Variants in GSG1L observed in about 807,000 individuals in gnomAD.
GSG1L encodes the protein germ cell-specific gene 1-like protein.
A neutral mutation model predicts 42.1 loss-of-function variants in GSG1L; 24 were observed. The observed-to-expected ratio is 0.57, with a 90% CI of 0.41 to 0.80. The LOEUF is 0.80. Ranked by LOEUF, GSG1L falls within the 30% of genes least tolerant of loss-of-function variation. GSG1L has a pLI of 0.00. For missense variants in GSG1L, 445 were observed against 472.2 expected (o/e 0.94, Z 0.53); for synonymous variants, 215 against 203.5 (o/e 1.06, Z -0.48).
At chr16:27,817,828 G>A (rs977783003) in intron 5 of GSG1L, among the ~76,000 whole-genome samples, 6 of 152,240 alleles carry the variant, frequency 3.9e-5, no homozygotes, top group East Asian at 1.9e-4. Flanking sequence ...GTTTGCAAAC[G>A]GGCAATGGTC....
At position 28,052,720 on chromosome 16, in the gene GSG1L, T is replaced by C. The variant is rs190858004; in HGVS notation, c.349+10356A>G. ...CTAGGGTTGTCTGCAACCTCCCACA[T>C]CTGCAGATTGCTGCAGATAGCTGCA... On this transcript the variant is annotated intron_variant, in intron 1 of 6. Transcript: ENST00000447459. Among the ~76,000 whole-genome samples, 39 of 152,300 alleles carry C rather than the reference T, an allele frequency of 2.6e-4. No homozygotes were observed. In the East Asian group the frequency reaches 3.9e-3, roughly 15 times the overall value.
intron 1 of GSG1L, among the ~76,000 whole-genome samples, chr16:28,011,157 G>A (rs2085712903): frequency 6.6e-6 from 1 of 152,214 alleles, no homozygotes; most frequent in South Asian, 2.1e-4. Flanking sequence ...AGTTTTAGAG[G>A]CAGAGGCAGT....
At chr16:27,858,106 A>G (rs947329525) in intron 3 of GSG1L, among the ~76,000 whole-genome samples, 1 of 152,200 alleles carries the variant, frequency 6.6e-6, no homozygotes, top group African/African-American at 2.4e-5. Context: ...TTAAGTTTTA[A>G]GTGCTCTGAG....
intron 4 of GSG1L, 53 bp downstream of exon 4, chr16:27,844,897 C>A (rs77280650): frequency 3.3e-6 from 3 of 916,238 alleles, no homozygotes; most frequent in Admixed American, 2.0e-5. Flanking sequence ...GAAGTCCCAG[C>A]GTGCCTTGGG....
At chr16:27,983,306 G>C (rs1372640534) in intron 1 of GSG1L, among the ~76,000 whole-genome samples, 1 of 152,110 alleles carries the variant, frequency 6.6e-6, no homozygotes, top group Non-Finnish European at 1.5e-5. Flanking sequence ...CTGCACTCCA[G>C]CCTGGGTGAC....
chr16:27,917,799 A>C (rs1555508112), intron 2 of GSG1L, among the ~76,000 whole-genome samples: 1 of 152,246 alleles, frequency 6.6e-6, no homozygotes, highest in Non-Finnish European at 1.5e-5. Flanking sequence ...TCAGCTAAAA[A>C]GCAGATCTGG....
At chr16:27,815,891 C>A (rs1347541775) in intron 5 of GSG1L, among the ~76,000 whole-genome samples, 1 of 152,148 alleles carries the variant, frequency 6.6e-6, no homozygotes, top group East Asian at 1.9e-4. Flanking sequence ...GGGAGGATCA[C>A]CCAAGGCTGC....
intron 1 of GSG1L, among the ~76,000 whole-genome samples, chr16:28,013,116 T>C (rs748354589): frequency 6.6e-6 from 1 of 150,478 alleles, no homozygotes. Flanking sequence ...CCCAGTTACT[T>C]GGGAGGCCGA....
At chr16:28,034,286 A>ACCCAT (rs1190342219) in intron 1 of GSG1L, among the ~76,000 whole-genome samples, 102 of 112,486 alleles carry the variant, frequency 9.1e-4, no homozygotes, top group African/African-American at 3.5e-3. Context: ...TTCCATCCCA[A>ACCCAT]CCCATCCCAT....
At chr16:28,062,126 G>T (rs905936776) in intron 1 of GSG1L, among the ~76,000 whole-genome samples, 8 of 152,148 alleles carry the variant, frequency 5.3e-5, no homozygotes, top group Non-Finnish European at 8.8e-5. Flanking sequence ...GGGTGTCCAT[G>T]CCTGGACACC....
At position 28,063,464 on chromosome 16, in the gene GSG1L, G is replaced by C; in HGVS notation, c.-40C>G. 8.8e-7 allele frequency: 1 copy of C among 1,136,556 alleles called. No individual in the cohort carries two copies. Among genetic ancestry groups the C allele is most frequent in the Non-Finnish European group, 1.1e-6 (1 of 925,052 alleles). 70.4% of individuals were successfully genotyped at this position (1,136,556 alleles called of 1,614,324 possible). A position where few individuals can be genotyped will look rare whatever the true frequency, so the allele number is the denominator to read the frequency against. ...CGGGACGGGACTGCACCGCCGGGGA[G>C]CTCCGCGCGCGAAGTTGGCAGCTGG... On this transcript the variant is annotated 5_prime_UTR_variant, in exon 1 of 7. Transcript: ENST00000447459. This position sits in a 1 kb window ranked among gnomAD's most constrained non-coding sequence, Gnocchi z 5.8.
At chr16:27,957,646 AACACTCAAG>A (rs1266352212) in intron 2 of GSG1L, among the ~76,000 whole-genome samples, 2 of 152,220 alleles carry the variant, frequency 1.3e-5, no homozygotes, top group African/African-American at 4.8e-5. Flanking sequence ...TACAATACAG[AACACTCAAG>A]TGCAGTTCAG....
intron 2 of GSG1L, among the ~76,000 whole-genome samples, chr16:27,905,191 C>T (rs1322651241): frequency 2.0e-5 from 3 of 152,196 alleles, no homozygotes; most frequent in South Asian, 2.1e-4. Flanking sequence ...GAAGGTCACA[C>T]GGCTTCTAGC....
intron 2 of GSG1L, among the ~76,000 whole-genome samples, chr16:27,952,081 C>T (rs967535602): frequency 5.9e-5 from 9 of 152,228 alleles, no homozygotes; most frequent in Admixed American, 6.5e-5. Context: ...TACAGTTCAA[C>T]CCAGGTGGGT....
chr16:27,870,114 CCT>C (rs1217513492), intron 3 of GSG1L, among the ~76,000 whole-genome samples: 4 of 142,558 alleles, frequency 2.8e-5, no homozygotes, highest in South Asian at 2.4e-4. Flanking sequence ...TCTCTTCTCT[CCT>C]CTCTCTGTCT....
chr16:27,871,968 G>T (rs905646813), intron 3 of GSG1L, among the ~76,000 whole-genome samples: 1 of 152,154 alleles, frequency 6.6e-6, no homozygotes, highest in Non-Finnish European at 1.5e-5. Flanking sequence ...TATGCTGATG[G>T]TTACTAAAAA....
intron 4 of GSG1L, 35 bp downstream of exon 4, chr16:27,844,915 G>T: frequency 2.2e-6 from 3 of 1,371,946 alleles, no homozygotes; most frequent in Non-Finnish European, 3.1e-6. Flanking sequence ...GGGCCCTGGT[G>T]CCTGAAGCTG....
chr16:27,859,231 C>T (rs1453747669), intron 3 of GSG1L, among the ~76,000 whole-genome samples: 2 of 152,150 alleles, frequency 1.3e-5, no homozygotes, highest in African/African-American at 4.8e-5. Flanking sequence ...AGGGGGCGCT[C>T]ATAGAGGGGC....
intron 1 of GSG1L, among the ~76,000 whole-genome samples, chr16:28,001,041 C>T (rs2085573742): frequency 6.6e-6 from 1 of 152,166 alleles, no homozygotes; most frequent in South Asian, 2.1e-4. Context: ...CTCAGGCTTT[C>T]TGCTTCCCCC....
Sources: gnomAD v4.1 joint callset for allele counts (sites outside exome capture counted in the v4.1 genomes callset) on GRCh38, gnomAD v4.1.1 for gene constraint, Gnocchi (gnomAD v3.1) non-coding constraint, MANE v1.5 for transcripts, NCBI Gene and HGNC (gene_info 2026-07-23, HGNC 2026-07-21) for gene names.